DACH2: variants seen among roughly 807,000 people sequenced by gnomAD.
DACH2 encodes the protein dachshund homolog 2.
In DACH2, 17 loss-of-function variants were observed where a neutral mutation model predicts 35.8. The ratio of observed to expected loss-of-function variants is 0.48; its 90% CI spans 0.33 to 0.71. The LOEUF (loss-of-function observed/expected upper bound fraction) is 0.71, where lower values mean the gene tolerates loss of function less well. DACH2 is among the 30% of genes least tolerant of loss of function. The pLI, the probability that DACH2 is intolerant of heterozygous loss-of-function variation, is 0.02. For synonymous variants in DACH2, 195 were observed against 177.3 expected (o/e 1.10, Z -0.79); for missense variants, 469 against 472.7 (o/e 0.99, Z 0.07).
At chrX:86,551,847 G>T (rs1055449442) in intron 3 of DACH2, among the ~76,000 whole-genome samples, 6 of 111,586 alleles carry the variant, frequency 5.4e-5, no homozygotes, top group African/African-American at 1.9e-4. Context: ...CCCAGGTTGT[G>T]GAACTTTGAA....
intron 11 of DACH2, chrX:86,828,093 G>T (rs1026872297): frequency 1.9e-5 from 4 of 212,186 alleles, no homozygotes; most frequent in African/African-American, 1.2e-4. Flanking sequence ...GAATCCTAGT[G>T]GGGTAAGTAG....
At chrX:86,257,447 CTT>C (rs1346379702) in intron 1 of DACH2, among the ~76,000 whole-genome samples, 1 of 105,859 alleles carries the variant, frequency 9.4e-6, no homozygotes. Flanking sequence ...GAACCAATTT[CTT>C]TTTTTTTTTG....
At chrX:86,481,984 A>G (rs1349224370) in intron 2 of DACH2, among the ~76,000 whole-genome samples, 3 of 112,333 alleles carry the variant, frequency 2.7e-5, no homozygotes, top group Non-Finnish European at 5.6e-5. Context: ...GCTATTTTGT[A>G]AATGGTATTT....
At chrX:86,337,434 G>C (rs1473651548) in intron 1 of DACH2, among the ~76,000 whole-genome samples, 1 of 111,822 alleles carries the variant, frequency 8.9e-6, no homozygotes, top group Non-Finnish European at 1.9e-5. Context: ...AACATTCTTA[G>C]AGAAAATAAT....
chrX:86,473,707 T>A (rs1361150359), intron 2 of DACH2, among the ~76,000 whole-genome samples: 2 of 111,832 alleles, frequency 1.8e-5, no homozygotes, highest in Admixed American at 9.5e-5. Context: ...AATCTCATTC[T>A]TTTTTATGGG....
At chrX:86,317,609 C>A (rs111266313) in intron 1 of DACH2, among the ~76,000 whole-genome samples, 2,580 of 111,983 alleles carry the variant, frequency 0.023, 27 homozygotes, top group Middle Eastern at 0.046. Context: ...GAGCTGTTTG[C>A]AAAATAAACT....
intron 1 of DACH2, among the ~76,000 whole-genome samples, chrX:86,247,517 A>G (rs770481331): frequency 1.8e-5 from 2 of 111,879 alleles, no homozygotes; most frequent in Admixed American, 9.5e-5. Flanking sequence ...ACTAGAAAAC[A>G]ATAGATAAAT....
chrX:86,292,238 G>C (rs1367890270), intron 1 of DACH2, among the ~76,000 whole-genome samples: 2 of 87,629 alleles, frequency 2.3e-5, no homozygotes, highest in East Asian at 7.7e-4. Context: ...ATTCTCTGAT[G>C]GTAGTTTGTA....
chrX:86,440,167 TC>T (rs2037136371), intron 2 of DACH2, among the ~76,000 whole-genome samples: 1 of 111,619 alleles, frequency 9.0e-6, no homozygotes, highest in Non-Finnish European at 1.9e-5. Flanking sequence ...TTCAACTATG[TC>T]CTTACTGACT....
At chrX:86,644,482 A>G (rs988178890) in intron 3 of DACH2, among the ~76,000 whole-genome samples, 1 of 111,769 alleles carries the variant, frequency 8.9e-6, no homozygotes, top group Non-Finnish European at 1.9e-5. Context: ...ACTAATTAAA[A>G]TGGCTAGACT....
At chrX:86,178,577 G>T (rs1450621842) in intron 1 of DACH2, among the ~76,000 whole-genome samples, 2 of 110,685 alleles carry the variant, frequency 1.8e-5, no homozygotes, top group East Asian at 2.9e-4. Flanking sequence ...TACTTTAAGG[G>T]TATGTCAGAA....
At chrX:86,310,657 GA>G (rs1305603414) in intron 1 of DACH2, among the ~76,000 whole-genome samples, 3 of 111,872 alleles carry the variant, frequency 2.7e-5, no homozygotes, top group Non-Finnish European at 5.6e-5. Flanking sequence ...ACTGATTCAT[GA>G]GGTGTAGCCA....
intron 3 of DACH2, among the ~76,000 whole-genome samples, chrX:86,620,451 T>C (rs1003419870): frequency 9.0e-6 from 1 of 111,369 alleles, no homozygotes; most frequent in Admixed American, 9.6e-5. Context: ...CCTGGCTTTC[T>C]CACACTGACA....
chrX:86,735,240 C>T (rs1484694018), intron 6 of DACH2, among the ~76,000 whole-genome samples: 1 of 111,484 alleles, frequency 9.0e-6, no homozygotes, highest in Non-Finnish European at 1.9e-5. Flanking sequence ...TCTGTGTATA[C>T]TTCCATATTT....
rs141171418 is a variant in DACH2 at position 86,755,053 on chromosome X, T to C, written c.1240+15171T>C. 3.9e-3 allele frequency among the ~76,000 whole-genome samples: 438 copies of C among 111,874 alleles called. 2 individuals carry two copies. Among genetic ancestry groups the C allele is most frequent in the African/African-American group, 0.014 (419 of 30,864 alleles). ...AATTTATATTCCCACTAACAGTATA[T>C]GAGTTCCCTTTTCTCCGCATCCTTG... On this transcript the variant is annotated intron_variant, in intron 7 of 11. Coordinates refer to ENST00000373125, the MANE Select transcript of DACH2 (RefSeq NM_053281.3).
intron 1 of DACH2, among the ~76,000 whole-genome samples, chrX:86,310,724 CAAAG>C (rs1020916945): frequency 9.0e-6 from 1 of 110,849 alleles, no homozygotes; most frequent in Non-Finnish European, 1.9e-5. Context: ...AAATTGGTGA[CAAAG>C]AAATTTAGGA....
intron 1 of DACH2, among the ~76,000 whole-genome samples, chrX:86,196,852 C>T (rs992280308): frequency 3.6e-5 from 4 of 110,070 alleles, no homozygotes; most frequent in African/African-American, 9.9e-5. Flanking sequence ...ATATCATTCA[C>T]GAGAAGTTAA....
chrX:86,457,829 G>A (rs1467257327), intron 2 of DACH2, among the ~76,000 whole-genome samples: 7 of 111,751 alleles, frequency 6.3e-5, no homozygotes, highest in African/African-American at 9.7e-5. Flanking sequence ...TTAGGTAGAG[G>A]GAACAGCCAG....
intron 1 of DACH2, among the ~76,000 whole-genome samples, chrX:86,201,827 G>T (rs1054647921): frequency 9.0e-6 from 1 of 110,690 alleles, no homozygotes; most frequent in Non-Finnish European, 1.9e-5. Flanking sequence ...CAGACTAGAA[G>T]TATACTTCCT....
Sources: allele counts gnomAD v4.1 joint callset (sites outside exome capture counted in the v4.1 genomes callset), GRCh38; gene constraint gnomAD v4.1.1; transcripts MANE v1.5; gene names NCBI Gene and HGNC (gene_info 2026-07-23, HGNC 2026-07-21).